The following PDE3B variants were observed in gnomAD, a reference collection of about 807,000 sequenced individuals.
PDE3B encodes phosphodiesterase 3B, also known as cGMP-inhibited 3',5'-cyclic phosphodiesterase 3B.
In PDE3B, 66 loss-of-function variants were observed where a neutral mutation model predicts 116.8. The ratio of observed to expected loss-of-function variants is 0.56; its 90% confidence interval spans 0.46 to 0.69. The LOEUF (loss-of-function observed/expected upper bound fraction) is 0.69, where lower values mean the gene tolerates loss of function less well. Among genes scored for constraint, PDE3B ranks in the 30% least tolerant of loss-of-function variants. The pLI, the probability that PDE3B is intolerant of heterozygous loss-of-function variation, is 0.00. For missense variants in PDE3B, 1,384 were observed against 1,368.1 expected, an observed-to-expected ratio of 1.01 and a Z score of -0.18; for synonymous variants, 595 against 533.6, an observed-to-expected ratio of 1.12 and a Z score of -1.59.
Position 14,644,130 on chromosome 11 carries a change from G to T in PDE3B, c.55G>T (p.Gly19Trp), listed in dbSNP as rs1453695266. Residue 19 changes from glycine (G) to tryptophan (W), a missense_variant, in exon 1 of 16, where the codon GGG becomes TGG. By Grantham distance (184) the Gly-to-Trp change is radical. Around this residue, in one of 2 missense-constraint regions of PDE3B, gnomAD observed 956 missense variants for 806.8 expected, o/e 1.18. Transcript: ENST00000282096. Reference sequence around the variant, plus strand: ...CATGCGGTCCCTGCAGCCGCCGGATGGGGCCGGCTCGCCCCCCGAGAGTCT... The same window carrying T: ...CATGCGGTCCCTGCAGCCGCCGGATTGGGCCGGCTCGCCCCCCGAGAGTCT... The part of the protein sequence containing the change: ...KAMRSLQPPD[G>W]AGSPPESLRN... 1 of 1,585,916 alleles carries T rather than the reference G, an allele frequency of 6.3e-7. No individual in the cohort carries two copies. The highest frequency in any genetic ancestry group is 8.5e-7 in the Non-Finnish European group (1 of 1,174,500).
chr11:14,723,223 G>T (rs1565108362), intron 1 of PDE3B, among the ~76,000 whole-genome samples: 5 of 152,122 alleles, frequency 3.3e-5, no homozygotes, highest in Admixed American at 2.6e-4. Context: ...TTTAGCCATT[G>T]TACTAACCAT....
At position 14,771,970 on chromosome 11, in the gene PDE3B, T is replaced by C; in HGVS notation, c.1012T>C (p.Tyr338His). The C allele has an allele frequency of 7.3e-7, 1 of 1,365,710 alleles. No individual in the cohort carries two copies. Among genetic ancestry groups the C allele is most frequent in the Admixed American group, 2.3e-5 (1 of 42,876 alleles). 84.6% of individuals were successfully genotyped at this position (1,365,710 alleles called of 1,614,324 possible). A position where few individuals can be genotyped will look rare whatever the true frequency, so the allele number is the denominator to read the frequency against. ...TTGGGATTGGGACTTAAAACAATGG[T>C]ATAAGCCTCATTATCAAGTAAGTAT... Reference protein sequence around the residue: ...ILWDWDLKQWYKPHYQNSGGG... With the variant: ...ILWDWDLKQWHKPHYQNSGGG... The change falls in exon 2 of 16, where the codon TAT becomes CAT. Residue 338 changes from tyrosine to histidine, a missense_variant. Physicochemically the swap from Tyr to His is moderately conservative, Grantham distance 83 (BLOSUM62 2). This residue lies in a region of PDE3B where 956 missense variants were observed against 806.8 expected (regional missense o/e 1.18). Transcript: ENST00000282096.
chr11:14,810,885 T>C (rs1032318018), intron 5 of PDE3B, among the ~76,000 whole-genome samples: 2 of 147,466 alleles, frequency 1.4e-5, no homozygotes, highest in African/African-American at 4.9e-5. Context: ...TGGTATCTCA[T>C]TGTGGTTTTG....
intron 12 of PDE3B, among the ~76,000 whole-genome samples, chr11:14,851,528 G>T (rs1038251028): frequency 3.3e-5 from 5 of 151,738 alleles, no homozygotes; most frequent in Non-Finnish European, 4.4e-5. Flanking sequence ...GTGTGTGTGT[G>T]TGTGTGTTAA....
At chr11:14,645,547 A>G (rs1853377074) in intron 1 of PDE3B, among the ~76,000 whole-genome samples, 1 of 152,226 alleles carries the variant, frequency 6.6e-6, no homozygotes, top group Non-Finnish European at 1.5e-5. Context: ...TCGAGAGGAA[A>G]AATCTGAGAT....
chr11:14,892,882 T>C, the PDE3B span, among the ~76,000 whole-genome samples: 2 of 152,266 alleles, frequency 1.3e-5, no homozygotes, highest in African/African-American at 2.4e-5. Flanking sequence ...CACGGGACTC[T>C]TGTCTGCACT....
In PDE3B at chr11:14,800,241, C is replaced by T. The variant is rs1312497172; in HGVS notation, c.1416-3703C>T. Among the ~76,000 whole-genome samples the T allele has an allele frequency of 7.9e-5, 12 of 151,490 alleles. No homozygotes were observed. The East Asian group carries it at 1.4e-3, about 17-fold the overall frequency. On this transcript the variant is annotated intron_variant, in intron 4 of 15. Coordinates refer to ENST00000282096, the MANE Select transcript of PDE3B (RefSeq NM_000922.4). ...GGGTTGAAAATTCTTTTTCTTTTGG[C>T]GGATCACGAGGTCAGGAGTTCGATT...
At chr11:14,660,396 G>A (rs1470960530) in intron 1 of PDE3B, among the ~76,000 whole-genome samples, 2 of 151,150 alleles carry the variant, frequency 1.3e-5, no homozygotes, top group Non-Finnish European at 2.9e-5. Context: ...CTGCCTCCCA[G>A]GCTCAAGCGA....
At chr11:14,796,119 TGTG>T (rs765834628) in intron 4 of PDE3B, among the ~76,000 whole-genome samples, 1 of 152,100 alleles carries the variant, frequency 6.6e-6, no homozygotes, top group South Asian at 2.1e-4. Flanking sequence ...AGTGAGAACA[TGTG>T]GTGTTTGGTT....
rs895343200 is a variant in PDE3B, at chr11:14,644,567, G to A, written c.492G>A (p.Gly164=). The A allele has an allele frequency of 5.0e-6, 8 of 1,592,788 alleles. No individual in the cohort carries two copies. Among genetic ancestry groups the A allele is most frequent in the Non-Finnish European group, 6.8e-6 (8 of 1,169,926 alleles). The change falls in exon 1 of 16, where the codon GGG becomes GGA. Residue 164 remains glycine, a synonymous_variant. Transcript: ENST00000282096. ...CGCTGCCCGCCTGCTGTTACCTGGGGGACTTCTTGGTGTGGCAGTGGTGGT... is the reference window on the plus strand; with the variant it reads ...CGCTGCCCGCCTGCTGTTACCTGGGAGACTTCTTGGTGTGGCAGTGGTGGT... ...LLALPACCYL[G]DFLVWQWWSW... is the part of the protein sequence containing the mutation.
intron 11 of PDE3B, among the ~76,000 whole-genome samples, chr11:14,839,592 G>A (rs1027076225): frequency 6.6e-6 from 1 of 152,202 alleles, no homozygotes; most frequent in Non-Finnish European, 1.5e-5. Flanking sequence ...TTGGCACAGA[G>A]CAATTGATCT....
the PDE3B span, chr11:14,891,934 G>A: frequency 1.0e-5 from 16 of 1,594,620 alleles, no homozygotes; most frequent in Non-Finnish European, 1.4e-5. Context: ...TGGCCAGCCC[G>A]GGCCAGCCTG....
intron 1 of PDE3B, among the ~76,000 whole-genome samples, chr11:14,735,911 A>G (rs1856582523): frequency 2.0e-5 from 3 of 151,898 alleles, no homozygotes; most frequent in Admixed American, 1.3e-4. Context: ...ACACGGAAGC[A>G]TATTTAGAGT....
Position 14,644,930 on chromosome 11 carries a change from AG to A in PDE3B, c.856del (p.Val286CysfsTer3). On this transcript the variant is annotated frameshift_variant, in exon 1 of 16. Transcript: ENST00000282096. LOFTEE classifies it high-confidence loss of function. ...PRLSSAAEEK[V>X]PVIRPRRRSS... ...GACTGTCCAGTGCCGCCGAAGAAAA[AG>A]TGCCTGTGATCCGACCCCGGAGGAG... 1.2e-6 allele frequency: 2 copies of A among 1,614,090 alleles called. No homozygotes were observed. The highest frequency in any genetic ancestry group is 1.7e-6 in the Non-Finnish European group (2 of 1,180,016).
intron 1 of PDE3B, among the ~76,000 whole-genome samples, chr11:14,702,864 T>C (rs140724599): frequency 1.5e-3 from 222 of 151,976 alleles, no homozygotes; most frequent in Middle Eastern, 6.8e-3. Flanking sequence ...TTATCTACCA[T>C]CATCTGTCCC....
Position 14,867,613 on chromosome 11 carries a change from C to G in PDE3B, c.2994C>G (p.Pro998=). The G allele has an allele frequency of 1.9e-6, 3 of 1,613,928 alleles. No homozygotes were observed. The highest frequency in any genetic ancestry group is 2.5e-6 in the Non-Finnish European group (3 of 1,179,898). ...CTTTTATCACCCACATAGTGGGTCC[C>G]CTGTGTAACTCCTATGATGCTGCTG... ...QESFITHIVG[P]LCNSYDAAGL... is the part of the protein sequence containing the mutation. The change falls in exon 15 of 16, where the codon CCC becomes CCG. Residue 998 remains proline, a synonymous_variant. Transcript: ENST00000282096.
the PDE3B span, among the ~76,000 whole-genome samples, chr11:14,879,887 C>T: frequency 2.0e-5 from 3 of 152,058 alleles, no homozygotes; most frequent in East Asian, 5.8e-4. Flanking sequence ...CCAGCTCTGC[C>T]ACTTGCAGAC....
the PDE3B span, among the ~76,000 whole-genome samples, chr11:14,893,317 G>A: frequency 6.6e-6 from 1 of 152,226 alleles, no homozygotes; most frequent in South Asian, 2.1e-4. Context: ...TGGTTGGGGA[G>A]ATACTTTAGC....
At chr11:14,818,000 T>A (rs567587885) in intron 5 of PDE3B, among the ~76,000 whole-genome samples, 183 bp from the exon 6 acceptor site, 1 of 152,320 alleles carries the variant, frequency 6.6e-6, no homozygotes, top group South Asian at 2.1e-4. Flanking sequence ...ATGACAAATA[T>A]GGCAAATATT....
Sources: allele counts gnomAD v4.1 joint callset (sites outside exome capture counted in the v4.1 genomes callset), GRCh38; gene constraint gnomAD v4.1.1; regional missense constraint gnomAD v4.1.1; transcripts MANE v1.5; gene names NCBI Gene and HGNC (gene_info 2026-07-23, HGNC 2026-07-21).